PTPN22: variants seen among roughly 807,000 people sequenced by gnomAD.
PTPN22 encodes protein tyrosine phosphatase non-receptor type 22.
In PTPN22, 85 loss-of-function variants were observed where a neutral mutation model predicts 103.3. The observed-to-expected ratio is 0.82, with a 90% CI of 0.69 to 0.99. The LOEUF is 0.99. Among genes scored for constraint, PTPN22 ranks in the 50% least tolerant of loss-of-function variants. The pLI is 0.00. For missense variants in PTPN22, 865 were observed against 936.9 expected, an observed-to-expected ratio of 0.92 and a Z score of 1.00; for synonymous variants, 323 against 310.2, an observed-to-expected ratio of 1.04 and a Z score of -0.43.
intron 7 of PTPN22, among the ~76,000 whole-genome samples, 189 bp downstream of exon 7, chr1:113,856,193 T>G (rs745958306): frequency 3.3e-5 from 5 of 152,144 alleles, no homozygotes; most frequent in Non-Finnish European, 7.3e-5. Flanking sequence ...TTTTTGTGTG[T>G]TTTTAGTAGA....
At chr1:113,834,548 T>A (rs1662815318) in intron 14 of PTPN22, 109 bp from the exon 15 acceptor site, 4 of 1,162,512 alleles carry the variant, frequency 3.4e-6, no homozygotes, top group Non-Finnish European at 5.0e-6. Context: ...AGAAGTAATC[T>A]AGTTAATTCA....
At chr1:113,865,166 A>C (rs1445395387) in intron 1 of PTPN22, among the ~76,000 whole-genome samples, 2 of 152,256 alleles carry the variant, frequency 1.3e-5, no homozygotes, top group Non-Finnish European at 2.9e-5. Context: ...ACACAGTTCT[A>C]TGGATTAGCT....
At chr1:113,865,147 G>A (rs1397048812) in intron 1 of PTPN22, among the ~76,000 whole-genome samples, 2 of 152,230 alleles carry the variant, frequency 1.3e-5, no homozygotes, top group Non-Finnish European at 2.9e-5. Context: ...TTTTAGCACA[G>A]AGTCTGGAAC....
chr1:113,830,880 C>T (rs976977753), intron 16 of PTPN22, among the ~76,000 whole-genome samples: 1 of 152,232 alleles, frequency 6.6e-6, no homozygotes, highest in South Asian at 2.1e-4. Flanking sequence ...AAGAGGTTCA[C>T]ATGTCATTGG....
At chr1:113,869,397 CA>C (rs1666387985) in intron 1 of PTPN22, among the ~76,000 whole-genome samples, 1 of 64,252 alleles carries the variant, frequency 1.6e-5, no homozygotes, top group Admixed American at 1.5e-4. Flanking sequence ...ATATAGTCTA[CA>C]TTTTTTTTTT....
At chr1:113,825,016 C>G in intron 19 of PTPN22, 126 bp downstream of exon 19, 1 of 405,454 alleles carries the variant, frequency 2.5e-6, no homozygotes, top group South Asian at 2.7e-5. Context: ...TGTTCTGATT[C>G]ATAGGACCCT....
chr1:113,826,014 A>G (rs1297068475), intron 18 of PTPN22, among the ~76,000 whole-genome samples: 1 of 151,906 alleles, frequency 6.6e-6, no homozygotes, highest in African/African-American at 2.4e-5. Context: ...TGGCCAGCCA[A>G]TAAATTTTTT....
At chr1:113,829,596 C>T in exon 18 of PTPN22, 1 of 1,576,720 alleles carries the variant, frequency 6.3e-7, no homozygotes, top group Non-Finnish European at 8.7e-7. Flanking sequence ...CTTTACCTTA[C>T]TCCTTGTGAA....
At chr1:113,829,927 G>T in intron 17 of PTPN22, 22 bp downstream of exon 17, 1 of 1,549,918 alleles carries the variant, frequency 6.5e-7, no homozygotes, top group Non-Finnish European at 8.9e-7. Flanking sequence ...TGATTTTTTT[G>T]AGAGAAAGTG....
exon 13 of PTPN22, chr1:113,838,380 G>A (rs1663213934): frequency 1.3e-6 from 2 of 1,591,950 alleles, no homozygotes; most frequent in African/African-American, 1.4e-5. Flanking sequence ...TCCTTTGTTG[G>A]TTCATCATTT....
chr1:113,850,987 T>C (rs1664520998), intron 10 of PTPN22, among the ~76,000 whole-genome samples: 1 of 152,158 alleles, frequency 6.6e-6, no homozygotes, highest in African/African-American at 2.4e-5. Flanking sequence ...CTTAGAAAAC[T>C]AAAACTATTG....
intron 13 of PTPN22, among the ~76,000 whole-genome samples, chr1:113,836,404 C>A (rs1663021696): frequency 6.6e-6 from 1 of 152,152 alleles, no homozygotes; most frequent in Non-Finnish European, 1.5e-5. Flanking sequence ...TAAAGGTATA[C>A]ATATGATAAA....
At chr1:113,856,590 T>A (rs1665097590) in exon 6 of PTPN22, 2 of 1,614,232 alleles carry the variant, frequency 1.2e-6, no homozygotes, top group Non-Finnish European at 1.7e-6. Context: ...GCATCTCTCC[T>A]GGCTCAGCCC....
In PTPN22 at chr1:113,832,381, T is replaced by C. The variant is rs544416908; in HGVS notation, c.2053+730A>G. On this transcript the variant is annotated intron_variant, in intron 16 of 20. Coordinates refer to ENST00000359785, the Ensembl canonical transcript of PTPN22. Reference sequence around the variant, plus strand: ...TTTTAGTAGAGACAGGGTTTCACCATGTTGGCCAGGATGGTCTCGATCTCT... The same window carrying C: ...TTTTAGTAGAGACAGGGTTTCACCACGTTGGCCAGGATGGTCTCGATCTCT... Among the ~76,000 whole-genome samples the C allele has an allele frequency of 4.6e-5, 7 of 152,304 alleles. No individual in the cohort carries two copies. The South Asian group carries it at 1.5e-3, about 32-fold the overall frequency.
chr1:113,842,136 A>G (rs1205103491), intron 11 of PTPN22, among the ~76,000 whole-genome samples: 1 of 152,036 alleles, frequency 6.6e-6, no homozygotes, highest in Non-Finnish European at 1.5e-5. Flanking sequence ...TTAAGGCCCA[A>G]GAGTTTGAGG....
intron 1 of PTPN22, among the ~76,000 whole-genome samples, chr1:113,861,669 G>A (rs1325306508): frequency 1.3e-5 from 2 of 152,042 alleles, no homozygotes; most frequent in African/African-American, 4.8e-5. Context: ...ATGAGCCACC[G>A]CGCCCGGCAG....
At chr1:113,848,515 A>G in intron 11 of PTPN22, 25 bp downstream of exon 11, 1 of 1,608,454 alleles carries the variant, frequency 6.2e-7, no homozygotes, top group Non-Finnish European at 8.5e-7. Flanking sequence ...AATTTTTTTG[A>G]CATAATATCT....
intron 9 of PTPN22, among the ~76,000 whole-genome samples, chr1:113,852,960 C>G (rs369903333): frequency 6.6e-6 from 1 of 152,092 alleles, no homozygotes; most frequent in Non-Finnish European, 1.5e-5. Flanking sequence ...GTTTTTGAAA[C>G]GGACTTTCAC....
chr1:113,869,307 A>G (rs956777828), intron 1 of PTPN22, among the ~76,000 whole-genome samples: 3 of 152,244 alleles, frequency 2.0e-5, no homozygotes, highest in African/African-American at 7.2e-5. Flanking sequence ...CTAGAGGCAG[A>G]GAAGCCAGTT....
Sources: allele counts gnomAD v4.1 joint callset (sites outside exome capture counted in the v4.1 genomes callset), GRCh38; gene constraint gnomAD v4.1.1; transcripts MANE v1.5; gene names NCBI Gene and HGNC (gene_info 2026-07-23, HGNC 2026-07-21).